DIXDC1: variants seen among roughly 807,000 people sequenced by gnomAD.
DIXDC1 encodes DIX domain containing 1.
A neutral mutation model predicts 103.1 loss-of-function variants in DIXDC1; 64 were observed. The ratio of observed to expected loss-of-function variants is 0.62; its 90% confidence interval spans 0.51 to 0.76. The LOEUF is 0.76. DIXDC1 is among the 30% of genes least tolerant of loss of function. The pLI is 0.00. For missense variants in DIXDC1, 759 were observed against 834.2 expected (o/e 0.91, Z 1.11); for synonymous variants, 266 against 298.5 (o/e 0.89, Z 1.12).
intron 1 of DIXDC1, among the ~76,000 whole-genome samples, chr11:111,963,895 T>C (rs1427381064): frequency 6.6e-6 from 1 of 152,194 alleles, no homozygotes; most frequent in African/African-American, 2.4e-5. Flanking sequence ...TTTCCTTCTT[T>C]GTGTAGATTT....
intron 1 of DIXDC1, chr11:111,946,736 G>T (rs1966610791): frequency 8.9e-6 from 4 of 451,858 alleles, no homozygotes; most frequent in South Asian, 6.4e-5. Flanking sequence ...ACTCATTGAA[G>T]TCGGCCTGGG....
chr11:112,018,760 T>A (rs1338613150), intron 19 of DIXDC1, among the ~76,000 whole-genome samples, 196 bp from the exon 20 acceptor site: 4 of 152,094 alleles, frequency 2.6e-5, no homozygotes, highest in Non-Finnish European at 5.9e-5. Context: ...AGGCATTTTT[T>A]AAAACCATTT....
intron 1 of DIXDC1, among the ~76,000 whole-genome samples, chr11:111,946,261 A>T (rs587657349): frequency 3.3e-4 from 50 of 151,936 alleles, no homozygotes; most frequent in Middle Eastern, 3.5e-3. Context: ...GGCGCCTACC[A>T]CTGTGCCCGG....
intron 10 of DIXDC1, among the ~76,000 whole-genome samples, chr11:111,991,643 C>T (rs1172981574): frequency 1.3e-5 from 2 of 152,188 alleles, no homozygotes; most frequent in Non-Finnish European, 2.9e-5. Flanking sequence ...GCAAGGATAT[C>T]CAGCTCACCT....
In DIXDC1 at chr11:111,937,359, A is replaced by C; in HGVS notation, c.-141A>C. The C allele has an allele frequency of 6.9e-7, 1 of 1,441,546 alleles. No individual in the cohort carries two copies. Among genetic ancestry groups the C allele is most frequent in the Non-Finnish European group, 9.1e-7 (1 of 1,098,234 alleles). The allele number at this position is 1,441,546 out of a possible 1,614,324, so 89.3% of individuals were successfully genotyped here. ...CAAGCCGCTAGTTTGGCTCCAGTCT[A>C]GGTTTCCAGTAAGTGGCATGCGGGA... On this transcript the variant is annotated 5_prime_UTR_variant, in exon 1 of 20. Transcript: ENST00000440460.
At chr11:111,997,954 TAAAAG>T (rs1555175567) in intron 17 of DIXDC1, among the ~76,000 whole-genome samples, 1 of 152,226 alleles carries the variant, frequency 6.6e-6, no homozygotes, top group East Asian at 1.9e-4. Context: ...TCAAAATTCT[TAAAAG>T]AAGAGTCTAT....
rs184902663 is a variant in DIXDC1 at position 112,001,819 on chromosome 11, C to T, written c.1756+5673C>T. Among the ~76,000 whole-genome samples, 1,027 of 150,012 alleles carry T rather than the reference C, an allele frequency of 6.8e-3. 10 individuals carry two copies. Among genetic ancestry groups the T allele is most frequent in the Middle Eastern group, 0.01 (3 of 292 alleles). ...TTGCCCAGGCTGGAGTGCAATGACA[C>T]GATCTCAGCTCACTGCAGCCTCTGC... On this transcript the variant is annotated intron_variant, in intron 17 of 19. Transcript: ENST00000440460.
chr11:112,008,620 C>G (rs1241414463), intron 17 of DIXDC1, among the ~76,000 whole-genome samples: 1 of 152,102 alleles, frequency 6.6e-6, no homozygotes, highest in Admixed American at 6.6e-5. Context: ...CAGACCACAG[C>G]ACAATCAAAT....
chr11:112,003,555 T>C (rs1861133173), intron 17 of DIXDC1, among the ~76,000 whole-genome samples: 1 of 152,072 alleles, frequency 6.6e-6, no homozygotes, highest in Non-Finnish European at 1.5e-5. Context: ...TCCCAGCATG[T>C]TGGGAGGCCA....
rs993322122 is a variant in DIXDC1 at position 112,007,273 on chromosome 11, A to G, written c.1757-9418A>G. Among the ~76,000 whole-genome samples, 7 of 152,212 alleles carry G rather than the reference A, an allele frequency of 4.6e-5. No homozygotes were observed. In the East Asian group the frequency reaches 1.3e-3, roughly 29 times the overall value. ...GTTTAGAGAGAAAAGAGTAAAAAGC[A>G]ACGAACAAAGCCTCCAAGAAACATG... is the stretch of plus-strand genomic sequence containing the variant. On this transcript the variant is annotated intron_variant, in intron 17 of 19. Coordinates refer to ENST00000440460, the MANE Select transcript of DIXDC1 (RefSeq NM_001037954.4).
At chr11:111,973,328 C>T (rs986684170) in intron 3 of DIXDC1, among the ~76,000 whole-genome samples, 6 of 151,078 alleles carry the variant, frequency 4.0e-5, no homozygotes, top group Admixed American at 1.3e-4. Flanking sequence ...GCCAAGATCA[C>T]GCCATTACAC....
Position 111,977,549 on chromosome 11 carries a change from A to G in DIXDC1, c.656+2566A>G. 1 of 1,465,002 alleles carries G rather than the reference A, an allele frequency of 6.8e-7. No homozygotes were observed. The highest frequency in any genetic ancestry group is 9.0e-7 in the Non-Finnish European group (1 of 1,108,938). 90.8% of individuals were successfully genotyped at this position (1,465,002 alleles called of 1,614,324 possible). A position where few individuals can be genotyped will look rare whatever the true frequency, so the allele number is the denominator to read the frequency against. On this transcript the variant is annotated intron_variant, in intron 5 of 19. Transcript: ENST00000440460. The surrounding 1 kb of genome is among the most constrained non-coding windows in gnomAD (Gnocchi z 6.1). ...GAGCGGCCGGGACTGCGCGCTTCAG[A>G]GCCTGGAGCATCCCAGTCGCTGGGG... is the stretch of plus-strand genomic sequence containing the variant.
chr11:111,978,399 T>G (rs1268524034), intron 5 of DIXDC1, among the ~76,000 whole-genome samples: 1 of 152,154 alleles, frequency 6.6e-6, no homozygotes, highest in African/African-American at 2.4e-5. Context: ...GTGCCTGCTC[T>G]GACATGTGCC....
chr11:111,967,859 G>A (rs587601598), intron 2 of DIXDC1, among the ~76,000 whole-genome samples: 1 of 152,342 alleles, frequency 6.6e-6, no homozygotes, highest in East Asian at 1.9e-4. Flanking sequence ...AGCCCCGCCT[G>A]CCCTGGCATT....
At chr11:111,937,151 G>T, upstream of DIXDC1, 1 of 867,542 alleles carries the variant, frequency 1.2e-6, no homozygotes, top group Non-Finnish European at 1.4e-6. Flanking sequence ...GTGTGCGCGT[G>T]CGTGCGGGCG....
At chr11:111,946,299 G>A (rs1262804028) in intron 1 of DIXDC1, among the ~76,000 whole-genome samples, 1 of 152,058 alleles carries the variant, frequency 6.6e-6, no homozygotes, top group Non-Finnish European at 1.5e-5. Flanking sequence ...TAGTAGAGAC[G>A]GGGTTTCACC....
chr11:111,952,967 G>T (rs1162487496), intron 1 of DIXDC1, among the ~76,000 whole-genome samples: 3 of 152,086 alleles, frequency 2.0e-5, no homozygotes, highest in Non-Finnish European at 4.4e-5. Context: ...TCCAGCCTGG[G>T]CAACAGAGCA....
upstream of DIXDC1, among the ~76,000 whole-genome samples, chr11:111,935,240 C>T (rs1479995952): frequency 6.6e-6 from 1 of 152,242 alleles, no homozygotes; most frequent in Non-Finnish European, 1.5e-5. Context: ...AGTTTCCATA[C>T]TGACTTGCTG....
At position 111,988,991 on chromosome 11, in the gene DIXDC1, T is replaced by C. The variant is rs2137569566; in HGVS notation, c.1063-14T>C. The C allele has an allele frequency of 6.2e-7, 1 of 1,609,210 alleles. No homozygotes were observed. The highest frequency in any genetic ancestry group is 1.3e-5 in the African/African-American group (1 of 74,932). ...CAGATGTCACCATCTGATCTAACTA[T>C]ATTTGGTTTGCAGAAGGAACTGCTG... On this transcript the variant is annotated splice_polypyrimidine_tract_variant and intron_variant, in intron 9 of 19. Transcript: ENST00000440460.
Sources: allele counts gnomAD v4.1 joint callset (sites outside exome capture counted in the v4.1 genomes callset), GRCh38; gene constraint gnomAD v4.1.1; non-coding constraint Gnocchi (gnomAD v3.1); transcripts MANE v1.5; gene names NCBI Gene and HGNC (gene_info 2026-07-23, HGNC 2026-07-21).